Variants in CMC1 observed in about 807,000 individuals in gnomAD.
CMC1 encodes the protein C-X9-C motif containing 1, also known as COX assembly mitochondrial protein homolog.
In CMC1, 14 loss-of-function variants were observed where a neutral mutation model predicts 14.1. The ratio of observed to expected loss-of-function variants is 0.99; its 90% CI spans 0.66 to 1.55. The LOEUF is 1.55. Ranked by LOEUF, CMC1 falls within the 40% of genes most tolerant of loss-of-function variation. The pLI is 0.00. For missense variants in CMC1, 127 were observed against 123.8 expected (o/e 1.03, Z -0.12); for synonymous variants, 50 against 38.4 (o/e 1.30, Z -1.12).
intron 2 of CMC1, among the ~76,000 whole-genome samples, chr3:28,301,630 T>G (rs1702052988): frequency 6.8e-6 from 1 of 146,022 alleles, no homozygotes; most frequent in Non-Finnish European, 1.5e-5. Flanking sequence ...TGGATGCTGT[T>G]TTTTTTTTTT....
chr3:28,252,051 C>A (rs1004281181), intron 1 of CMC1, among the ~76,000 whole-genome samples: 2 of 152,178 alleles, frequency 1.3e-5, no homozygotes, highest in African/African-American at 4.8e-5. Context: ...GCGGTTGTAA[C>A]ACAGTTCTAA....
intron 2 of CMC1, among the ~76,000 whole-genome samples, chr3:28,301,209 A>G (rs1018404291): frequency 6.6e-6 from 1 of 152,118 alleles, no homozygotes. Context: ...GATTCCTTAC[A>G]GATGGGAACC....
At chr3:28,253,332 T>C (rs541606329) in intron 1 of CMC1, among the ~76,000 whole-genome samples, 25 of 152,140 alleles carry the variant, frequency 1.6e-4, no homozygotes, top group South Asian at 1.5e-3. Context: ...AATCCCAGCA[T>C]TGGGGAGGCT....
At position 28,323,879 on chromosome 3, in the gene CMC1, CTA is replaced by C; in HGVS notation, c.*4252_*4253del. 4.2e-6 allele frequency: 3 copies of C among 706,440 alleles called. No homozygotes were observed. The highest frequency in any genetic ancestry group is 2.6e-5 in the South Asian group (1 of 37,896). The allele number at this position is 706,440 out of a possible 1,614,324, so 43.8% of individuals were successfully genotyped here. On this transcript the variant is annotated 3_prime_UTR_variant, in exon 4 of 4. Transcript: ENST00000466830. Reference sequence around the variant, plus strand: ...GTGCTCTTTCATACTAGAAAACCAACTATGTTGGTTTTTGTACTATTGTACAG... The same window carrying C: ...GTGCTCTTTCATACTAGAAAACCAACTGTTGGTTTTTGTACTATTGTACAG...
chr3:28,270,842 A>G (rs1258654780), intron 2 of CMC1, among the ~76,000 whole-genome samples: 1 of 150,862 alleles, frequency 6.6e-6, no homozygotes, highest in East Asian at 1.9e-4. Context: ...TATGTCCTGA[A>G]TGGTATTGCC....
chr3:28,316,800 G>A (rs1702949559), intron 3 of CMC1: 1 of 154,750 alleles, frequency 6.5e-6, no homozygotes. Context: ...CTTGTGATTT[G>A]TTGGATTAAT....
In CMC1 at chr3:28,324,185, C is replaced by T; in HGVS notation, c.*4556C>T. ...GGACTTGGAAATACCCAGGAATTGT[C>T]TTCCAGAGAATTTCTGCCATAAGAA... is the stretch of plus-strand genomic sequence containing the variant. On this transcript the variant is annotated 3_prime_UTR_variant, in exon 4 of 4. Transcript: ENST00000466830. 1 of 1,610,768 alleles carries T rather than the reference C, an allele frequency of 6.2e-7. No homozygotes were observed. Among genetic ancestry groups the T allele is most frequent in the Non-Finnish European group, 8.5e-7 (1 of 1,177,652 alleles).
intron 2 of CMC1, among the ~76,000 whole-genome samples, chr3:28,309,932 T>C (rs1473200042): frequency 8.4e-6 from 1 of 118,614 alleles, no homozygotes; most frequent in African/African-American, 3.4e-5. Context: ...CTCCTCCACC[T>C]GACGTCCACC....
chr3:28,258,085 T>TAC (rs796386097), intron 1 of CMC1, among the ~76,000 whole-genome samples: 12 of 144,918 alleles, frequency 8.3e-5, no homozygotes, highest in African/African-American at 2.0e-4. Context: ...TATATATATA[T>TAC]ACTTACAATT....
At chr3:28,256,407 C>CTGAT (rs1208586094) in intron 1 of CMC1, among the ~76,000 whole-genome samples, 1 of 152,118 alleles carries the variant, frequency 6.6e-6, no homozygotes, top group African/African-American at 2.4e-5. Context: ...GGCCTTTGAA[C>CTGAT]TGATTGTATT....
chr3:28,313,281 G>C (rs1199894023), intron 2 of CMC1, among the ~76,000 whole-genome samples: 1 of 152,152 alleles, frequency 6.6e-6, no homozygotes, highest in East Asian at 1.9e-4. Context: ...TATACTGAGT[G>C]CTCATTACTT....
At chr3:28,314,497 G>A (rs946107134) in intron 2 of CMC1, among the ~76,000 whole-genome samples, 11 of 152,190 alleles carry the variant, frequency 7.2e-5, no homozygotes, top group Admixed American at 6.5e-5. Context: ...AGTCTAACAG[G>A]CTGGGTTGGG....
rs1237176300 is a variant in CMC1, at chr3:28,241,774, G to T, written c.-20G>T. On this transcript the variant is annotated 5_prime_UTR_variant, in exon 1 of 4. Coordinates refer to ENST00000466830, the MANE Select transcript of CMC1 (RefSeq NM_182523.2). ...TGCCCCGGAGCCGCCAAGCGGCTACGTTCTTCTCGGCCCGCCGAGATGGCG... is the reference window on the plus strand; with the variant it reads ...TGCCCCGGAGCCGCCAAGCGGCTACTTTCTTCTCGGCCCGCCGAGATGGCG... 8.1e-7 allele frequency: 1 copy of T among 1,241,446 alleles called. No individual in the cohort carries two copies. Among genetic ancestry groups the T allele is most frequent in the Non-Finnish European group, 1.0e-6 (1 of 988,132 alleles). The allele number at this position is 1,241,446 out of a possible 1,614,324, so 76.9% of individuals were successfully genotyped here. A position where few individuals can be genotyped will look rare whatever the true frequency, so the allele number is the denominator to read the frequency against.
intron 2 of CMC1, among the ~76,000 whole-genome samples, chr3:28,313,458 A>C (rs763651637): frequency 5.3e-5 from 8 of 152,216 alleles, no homozygotes; most frequent in Non-Finnish European, 1.0e-4. Flanking sequence ...TTAACATTTA[A>C]TGTAAATTAA....
At chr3:28,259,752 A>G (rs572640379) in intron 1 of CMC1, among the ~76,000 whole-genome samples, 2 of 152,148 alleles carry the variant, frequency 1.3e-5, no homozygotes, top group East Asian at 1.9e-4. Context: ...GTGACATCTT[A>G]TATATCTGTA....
At chr3:28,278,106 ATGG>A (rs1459952762) in intron 2 of CMC1, among the ~76,000 whole-genome samples, 4 of 152,158 alleles carry the variant, frequency 2.6e-5, no homozygotes, top group Non-Finnish European at 5.9e-5. Context: ...CTGACAGATG[ATGG>A]TGGACTGGAG....
At chr3:28,250,142 G>A (rs1454431468) in intron 1 of CMC1, among the ~76,000 whole-genome samples, 1 of 152,174 alleles carries the variant, frequency 6.6e-6, no homozygotes, top group Non-Finnish European at 1.5e-5. Context: ...TATGAATTTG[G>A]AGAATGGTAA....
At chr3:28,261,396 G>A (rs1411698133) in intron 1 of CMC1, among the ~76,000 whole-genome samples, 4 of 152,146 alleles carry the variant, frequency 2.6e-5, no homozygotes, top group African/African-American at 9.7e-5. Context: ...CATGGCTCCA[G>A]GTAGAGAGGC....
intron 2 of CMC1, among the ~76,000 whole-genome samples, chr3:28,300,589 A>G (rs888592000): frequency 1.4e-5 from 2 of 145,556 alleles, no homozygotes; most frequent in Non-Finnish European, 1.5e-5. Context: ...AATGATTTCT[A>G]TCTCTCTTCC....
Sources: gnomAD v4.1 joint callset for allele counts (sites outside exome capture counted in the v4.1 genomes callset) on GRCh38, gnomAD v4.1.1 for gene constraint, MANE v1.5 for transcripts, NCBI Gene and HGNC (gene_info 2026-07-23, HGNC 2026-07-21) for gene names.